The following MTUS2 variants were observed in gnomAD, a reference collection of about 807,000 sequenced individuals.
MTUS2 encodes microtubule associated scaffold protein 2.
MTUS2 carries 40 observed loss-of-function variants against 114.1 expected under a neutral mutation model. The observed-to-expected ratio is 0.35, with a 90% CI of 0.27 to 0.46. MTUS2 has a LOEUF of 0.46. Among genes scored for constraint, MTUS2 ranks in the 20% least tolerant of loss-of-function variants. MTUS2 has a pLI of 1.00. For synonymous variants in MTUS2, 688 were observed against 672.0 expected (o/e 1.02, Z -0.37); for missense variants, 1,679 against 1,705.4 (o/e 0.98, Z 0.27).
chr13:29,359,278 G>C lies in MTUS2; in HGVS notation c.2922G>C (p.Arg974Ser). ...KLHSPGYPKQ[R>S]TAAARNGFPP... Reference sequence around the variant, plus strand: ...TTCTCACAGGATACCCAAAGCAGAGGACTGCGGCAGCTCGAAATGGGTTTC... The same window carrying C: ...TTCTCACAGGATACCCAAAGCAGAGCACTGCGGCAGCTCGAAATGGGTTTC... The change falls in exon 8 of 16, where the codon AGG (arginine) becomes AGC (serine). Residue 974 changes from arginine (R) to serine (S), a missense_variant. Physicochemically the swap from Arg to Ser is moderately radical, Grantham distance 110. Coordinates refer to ENST00000612955, the MANE Select transcript of MTUS2 (RefSeq NM_001033602.4). The C allele has an allele frequency of 6.2e-7, 1 of 1,602,354 alleles. No homozygotes were observed. Among genetic ancestry groups the C allele is most frequent in the Non-Finnish European group, 8.5e-7 (1 of 1,174,746 alleles).
chr13:28,905,152 G>T (rs1879910455), intron 2 of MTUS2, among the ~76,000 whole-genome samples: 1 of 151,506 alleles, frequency 6.6e-6, no homozygotes, highest in African/African-American at 2.4e-5. Context: ...AGGAGATTTT[G>T]GGCTGAGAAA....
At chr13:29,232,219 G>A (rs1896350714) in intron 5 of MTUS2, among the ~76,000 whole-genome samples, 1 of 151,852 alleles carries the variant, frequency 6.6e-6, no homozygotes, top group East Asian at 1.9e-4. Context: ...TTTGAATGTT[G>A]TTAATTAATA....
chr13:29,404,512 A>G (rs1874608017), intron 8 of MTUS2, among the ~76,000 whole-genome samples: 1 of 152,080 alleles, frequency 6.6e-6, no homozygotes, highest in African/African-American at 2.4e-5. Context: ...CAAGACCAGT[A>G]TTTGTCCCCC....
intron 5 of MTUS2, among the ~76,000 whole-genome samples, chr13:29,240,952 G>T (rs1896708201): frequency 6.6e-6 from 1 of 152,060 alleles, no homozygotes; most frequent in Non-Finnish European, 1.5e-5. Flanking sequence ...TTTTAAATGA[G>T]AAAAGATGCC....
chr13:29,054,376 A>G (rs2138616913), intron 4 of MTUS2, among the ~76,000 whole-genome samples: 1 of 152,200 alleles, frequency 6.6e-6, no homozygotes, highest in South Asian at 2.1e-4. Flanking sequence ...TTGATTTTTC[A>G]TTACTTAACA....
At chr13:29,113,688 A>G (rs1890971363) in intron 5 of MTUS2, among the ~76,000 whole-genome samples, 1 of 152,108 alleles carries the variant, frequency 6.6e-6, no homozygotes, top group Non-Finnish European at 1.5e-5. Context: ...TTTTAAAGAT[A>G]TAACAATACT....
chr13:29,324,899 A>G (rs1900416398), intron 7 of MTUS2, among the ~76,000 whole-genome samples, 188 bp downstream of exon 7: 2 of 152,226 alleles, frequency 1.3e-5, no homozygotes, highest in Admixed American at 1.3e-4. Flanking sequence ...ATTTAATCTT[A>G]AAAAACAAGA....
chr13:28,850,789 TGGTG>T (rs1223644147), intron 2 of MTUS2, among the ~76,000 whole-genome samples: 1 of 152,176 alleles, frequency 6.6e-6, no homozygotes, highest in East Asian at 1.9e-4. Context: ...TAAAATCTCA[TGGTG>T]GGTATAAAAT....
chr13:29,025,923 C>T lies in MTUS2; in HGVS notation c.1225C>T (p.Gln409Ter). ...GSASLGGADN[Q>*]PTGKISPCAG... ...TGCTTCCTTAGGAGGGGCTGATAAT[C>T]AGCCCACTGGCAAAATTTCACCATG... is the stretch of plus-strand genomic sequence containing the variant. The change falls in exon 3 of 16, where the codon CAG becomes TAG. Residue 409 changes from glutamine to a stop codon, truncating the protein, a stop_gained. Transcript: ENST00000612955. LOFTEE classifies it high-confidence loss of function. 6.2e-7 allele frequency: 1 copy of T among 1,613,792 alleles called. No homozygotes were observed. Among genetic ancestry groups the T allele is most frequent in the Non-Finnish European group, 8.5e-7 (1 of 1,179,782 alleles).
At chr13:29,365,510 T>TTGTGTGTGTGTGTGTG (rs56164752) in intron 8 of MTUS2, among the ~76,000 whole-genome samples, 4,181 of 146,556 alleles carry the variant, frequency 0.029, 90 homozygotes, top group Non-Finnish European at 0.027. Flanking sequence ...TTGTTTGGGT[T>TTGTGTGTGTGTGTGTG]TGTGTGTGTG....
chr13:29,127,853 G>A (rs953867491), intron 5 of MTUS2, among the ~76,000 whole-genome samples: 16 of 152,162 alleles, frequency 1.1e-4, no homozygotes, highest in African/African-American at 2.7e-4. Flanking sequence ...GCTAAGCAGC[G>A]TGGTTTTACA....
intron 5 of MTUS2, among the ~76,000 whole-genome samples, chr13:29,173,103 T>A (rs941360983): frequency 6.6e-6 from 1 of 152,194 alleles, no homozygotes; most frequent in Non-Finnish European, 1.5e-5. Context: ...CTGCTTTTTT[T>A]ATTGTAAACT....
At chr13:29,145,274 C>A (rs552427526) in intron 5 of MTUS2, among the ~76,000 whole-genome samples, 14 of 152,218 alleles carry the variant, frequency 9.2e-5, no homozygotes, top group Admixed American at 3.3e-4. Context: ...GTAATCCCAG[C>A]ACTTTGGGAG....
rs1263305931 is a variant in MTUS2 at position 29,496,942 on chromosome 13, G to A, written c.3580-296G>A. Among the ~76,000 whole-genome samples, 3 of 152,142 alleles carry A rather than the reference G, an allele frequency of 2.0e-5. No homozygotes were observed. The highest frequency in any genetic ancestry group is 2.1e-4 in the South Asian group (1 of 4,822). ...AGAGGCACCTCTGAGGATTCTCTCC[G>A]AGGACTGTCTGCCTCTGTGGGGTCA... is the stretch of plus-strand genomic sequence containing the variant. On this transcript the variant is annotated intron_variant, in intron 12 of 15. Transcript: ENST00000612955. This position sits in a 1 kb window ranked among gnomAD's most constrained non-coding sequence, Gnocchi z 4.3.
intron 7 of MTUS2, among the ~76,000 whole-genome samples, chr13:29,357,172 C>CGATG (rs112454268): frequency 6.6e-6 from 1 of 150,792 alleles, no homozygotes; most frequent in Non-Finnish European, 1.5e-5. Context: ...TAATTTCTAA[C>CGATG]ATGATGATGA....
intron 8 of MTUS2, among the ~76,000 whole-genome samples, chr13:29,375,283 G>GGTCTA (rs60167763): frequency 1.5e-5 from 2 of 129,948 alleles, no homozygotes; most frequent in African/African-American, 6.3e-5. Flanking sequence ...ATTTAAAAAG[G>GGTCTA]AGTTTTTAAT....
At chr13:29,056,461 T>C (rs1447406798) in intron 4 of MTUS2, among the ~76,000 whole-genome samples, 1 of 152,106 alleles carries the variant, frequency 6.6e-6, no homozygotes, top group Non-Finnish European at 1.5e-5. Flanking sequence ...TATGAATGCA[T>C]TTGGTCCTGG....
At chr13:29,492,456 C>G (rs1208668894) in intron 11 of MTUS2, among the ~76,000 whole-genome samples, 190 bp from the exon 12 acceptor site, 2 of 151,940 alleles carry the variant, frequency 1.3e-5, no homozygotes, top group African/African-American at 4.8e-5. Flanking sequence ...TTCTTTCTTT[C>G]TCTCTCCTGA....
intron 7 of MTUS2, among the ~76,000 whole-genome samples, chr13:29,335,919 C>G (rs1901039723): frequency 6.6e-6 from 1 of 152,130 alleles, no homozygotes. Flanking sequence ...TTTCTTCACC[C>G]TCTACTTCAT....
Sources: allele counts gnomAD v4.1 joint callset (sites outside exome capture counted in the v4.1 genomes callset), GRCh38; gene constraint gnomAD v4.1.1; non-coding constraint Gnocchi (gnomAD v3.1); transcripts MANE v1.5; gene names NCBI Gene and HGNC (gene_info 2026-07-23, HGNC 2026-07-21).